Variants in PCDHGA3 observed in about 807,000 individuals in gnomAD.
PCDHGA3 encodes protocadherin gamma subfamily A, 3.
In PCDHGA3, 40 loss-of-function variants were observed where a neutral mutation model predicts 58.5. The ratio of observed to expected loss-of-function variants is 0.68; its 90% CI spans 0.53 to 0.89. PCDHGA3 has a LOEUF of 0.89. Among genes scored for constraint, PCDHGA3 ranks in the 40% least tolerant of loss-of-function variants. The pLI, the probability that PCDHGA3 is intolerant of heterozygous loss-of-function variation, is 0.00. For synonymous variants in PCDHGA3, 530 were observed against 525.7 expected (o/e 1.01, Z -0.11); for missense variants, 1,223 against 1,195.9 (o/e 1.02, Z -0.33).
At chr5:141,370,568 G>C in intron 1 of PCDHGA3, 1 of 1,613,930 alleles carries the variant, frequency 6.2e-7, no homozygotes, top group Non-Finnish European at 8.5e-7. Context: ...GGTTTGGCGT[G>C]GGGGATTTAC....
chr5:141,401,822 C>T (rs1340105226), intron 1 of PCDHGA3, among the ~76,000 whole-genome samples: 1 of 152,188 alleles, frequency 6.6e-6, no homozygotes, highest in Non-Finnish European at 1.5e-5. Flanking sequence ...TTACAAAGTG[C>T]TGAGATTTCT....
intron 1 of PCDHGA3, chr5:141,387,786 C>T: frequency 1.4e-6 from 2 of 1,473,828 alleles, no homozygotes; most frequent in Non-Finnish European, 1.8e-6. Flanking sequence ...ACTGGAACTG[C>T]AACTAAAGTC....
rs1468315559 is a variant in PCDHGA3 at position 141,493,636 on chromosome 5, G to A, written c.2425-1171G>A. 1.3e-5 allele frequency among the ~76,000 whole-genome samples: 2 copies of A among 152,130 alleles called. No individual in the cohort carries two copies. Among genetic ancestry groups the A allele is most frequent in the Non-Finnish European group, 2.9e-5 (2 of 68,040 alleles). The stretch of plus-strand genomic sequence containing the variant: ...TGTGTCTAAGAATACAGTGGCTGAG[G>A]GCTGGCCATCCCTGTGCCCTTCTCC... On this transcript the variant is annotated intron_variant, in intron 1 of 3. Transcript: ENST00000253812. The surrounding 1 kb of genome is among the most constrained non-coding windows in gnomAD (Gnocchi z 4.3).
rs781586915 is a variant in PCDHGA3, at chr5:141,389,444, C to G, written c.2424+42987C>G. 7.0e-5 allele frequency: 112 copies of G among 1,610,446 alleles called. No homozygotes were observed. Among genetic ancestry groups the G allele is most frequent in the Middle Eastern group, 1.7e-4 (1 of 5,992 alleles). On this transcript the variant is annotated intron_variant, in intron 1 of 3. Transcript: ENST00000253812. Reference sequence around the variant, plus strand: ...TGTTCGCGCAGCGCGCCTTCGACCACGAGCAGCTGCGCGCCTTCGAACTCA... The same window carrying G: ...TGTTCGCGCAGCGCGCCTTCGACCAGGAGCAGCTGCGCGCCTTCGAACTCA...
chr5:141,347,154 T>G (rs1757910755), intron 1 of PCDHGA3, among the ~76,000 whole-genome samples: 1 of 134,636 alleles, frequency 7.4e-6, no homozygotes, highest in Non-Finnish European at 1.6e-5. Context: ...TTTCTTTCTT[T>G]CTTTCTTTCT....
At chr5:141,496,928 G>A (rs2099772685) in intron 2 of PCDHGA3, among the ~76,000 whole-genome samples, 1 of 151,334 alleles carries the variant, frequency 6.6e-6, no homozygotes, top group Non-Finnish European at 1.5e-5. Context: ...GTTCACGCCT[G>A]TAATCCCAGC....
At chr5:141,472,172 T>A (rs548514406) in intron 1 of PCDHGA3, among the ~76,000 whole-genome samples, 11 of 152,326 alleles carry the variant, frequency 7.2e-5, no homozygotes, top group African/African-American at 2.6e-4. Context: ...AGGTGTAATA[T>A]CCAGTATTGG....
intron 1 of PCDHGA3, chr5:141,360,061 T>A: frequency 6.9e-7 from 1 of 1,452,308 alleles, no homozygotes; most frequent in Non-Finnish European, 9.1e-7. Flanking sequence ...GCAGGAAAAG[T>A]GACCTTAGCC....
intron 1 of PCDHGA3, chr5:141,360,356 A>G: frequency 6.2e-7 from 1 of 1,613,930 alleles, no homozygotes; most frequent in Non-Finnish European, 8.5e-7. Context: ...GAGAAGGAAT[A>G]TTTCACAGTA....
intron 1 of PCDHGA3, chr5:141,410,199 A>G: frequency 6.2e-7 from 1 of 1,613,998 alleles, no homozygotes; most frequent in South Asian, 1.1e-5. Flanking sequence ...GTCTTCGCAG[A>G]CAACTTGCAA....
intron 1 of PCDHGA3, chr5:141,357,463 C>G: frequency 6.2e-7 from 1 of 1,614,216 alleles, no homozygotes; most frequent in East Asian, 2.2e-5. Context: ...GACCTATTCC[C>G]ACGAGGTCTC....
chr5:141,427,683 G>T, intron 1 of PCDHGA3: 1 of 836,052 alleles, frequency 1.2e-6, no homozygotes, highest in African/African-American at 1.7e-5. Context: ...CCTTCCCGGA[G>T]CCTCCATCCC....
chr5:141,374,721 C>T, intron 1 of PCDHGA3: 1 of 1,610,366 alleles, frequency 6.2e-7, no homozygotes, highest in Non-Finnish European at 8.5e-7. Context: ...CTGGTCCTTA[C>T]TGCCATGGAT....
Position 141,346,464 on chromosome 5 carries a change from T to G in PCDHGA3, c.2424+7T>G. The G allele has an allele frequency of 6.2e-7, 1 of 1,614,010 alleles. No homozygotes were observed. The highest frequency in any genetic ancestry group is 8.5e-7 in the Non-Finnish European group (1 of 1,179,934). On this transcript the variant is annotated splice_region_variant and intron_variant, in intron 1 of 3. Coordinates refer to ENST00000253812, the MANE Select transcript of PCDHGA3 (RefSeq NM_018916.4). ...AGATTCCAACCTACTTCAGGTGAGT[T>G]TATTTATTTCTTTGATTATTAAGAA...
intron 1 of PCDHGA3, among the ~76,000 whole-genome samples, chr5:141,464,888 GCCACCATGT>G (rs1351812446): frequency 6.6e-6 from 1 of 152,000 alleles, no homozygotes; most frequent in East Asian, 1.9e-4. Context: ...ACAGATGGAT[GCCACCATGT>G]CCAGCTAATT....
Position 141,346,362 on chromosome 5 carries a change from G to C in PCDHGA3, c.2329G>C (p.Asp777His). 1.2e-6 allele frequency: 2 copies of C among 1,614,250 alleles called. No individual in the cohort carries two copies. The highest frequency in any genetic ancestry group is 8.5e-7 in the Non-Finnish European group (1 of 1,180,044). Residue 777 changes from aspartate to histidine, a missense_variant, in exon 1 of 4, where the codon GAC (aspartate) becomes CAC (histidine). Transcript: ENST00000253812. ...GATTTTCCCCCAGCCCAACTATGCG[G>C]ACACGCTCATCAGCCAGGAGAGCTG... ...HLIFPQPNYA[D>H]TLISQESCEK...
intron 2 of PCDHGA3, among the ~76,000 whole-genome samples, chr5:141,497,290 C>A (rs182104163): frequency 4.7e-4 from 72 of 152,184 alleles, no homozygotes; most frequent in Middle Eastern, 3.4e-3. Flanking sequence ...CTCTACCTAC[C>A]ACCACCCCAG....
chr5:141,475,984 G>A, intron 1 of PCDHGA3: 2 of 1,069,308 alleles, frequency 1.9e-6, no homozygotes, highest in Non-Finnish European at 2.7e-6. Flanking sequence ...AACAGCCGGC[G>A]AGCAAATCAA....
intron 1 of PCDHGA3, chr5:141,427,785 TC>T: frequency 6.8e-7 from 1 of 1,470,156 alleles, no homozygotes; most frequent in Non-Finnish European, 9.4e-7. Flanking sequence ...GGCACTGTCG[TC>T]CTACGTGTCC....
Sources: gnomAD v4.1 joint callset for allele counts (sites outside exome capture counted in the v4.1 genomes callset) on GRCh38, gnomAD v4.1.1 for gene constraint, Gnocchi (gnomAD v3.1) non-coding constraint, MANE v1.5 for transcripts, NCBI Gene and HGNC (gene_info 2026-07-23, HGNC 2026-07-21) for gene names.